Variants in CPEB3 observed in about 807,000 individuals in gnomAD.
The protein encoded by CPEB3 is cytoplasmic polyadenylation element-binding protein 3.
A neutral mutation model predicts 67.2 loss-of-function variants in CPEB3; 20 were observed. The observed-to-expected ratio is 0.30, with a 90% CI of 0.21 to 0.43. The LOEUF is 0.43. CPEB3 is among the 20% of genes least tolerant of loss of function. CPEB3 has a pLI of 1.00. For synonymous variants in CPEB3, 376 were observed against 393.1 expected (o/e 0.96, Z 0.51); for missense variants, 746 against 968.6 (o/e 0.77, Z 3.05).
intron 9 of CPEB3, among the ~76,000 whole-genome samples, chr10:92,080,912 C>T (rs1843126741): frequency 6.6e-6 from 1 of 152,062 alleles, no homozygotes; most frequent in Non-Finnish European, 1.5e-5. Context: ...TGGCAATTTT[C>T]AAACCAGAAG....
chr10:92,101,970 A>AG (rs1286365748), intron 7 of CPEB3, among the ~76,000 whole-genome samples: 1 of 152,186 alleles, frequency 6.6e-6, no homozygotes, highest in Admixed American at 6.5e-5. Context: ...CCATGGCATA[A>AG]GGAGTTGGTT....
intron 9 of CPEB3, among the ~76,000 whole-genome samples, chr10:92,061,013 GTA>G (rs1039691166): frequency 1.3e-5 from 2 of 152,170 alleles, no homozygotes; most frequent in Admixed American, 1.3e-4. Context: ...CCACTGCTGG[GTA>G]TATACCCAAA....
chr10:92,227,588 T>C (rs1011367346), intron 2 of CPEB3, among the ~76,000 whole-genome samples: 1 of 151,384 alleles, frequency 6.6e-6, no homozygotes, highest in Admixed American at 6.6e-5. Flanking sequence ...TTACTTATTT[T>C]ATTTTTTTCT....
intron 8 of CPEB3, among the ~76,000 whole-genome samples, chr10:92,089,568 T>C (rs1843527764): frequency 6.6e-6 from 1 of 151,958 alleles, no homozygotes; most frequent in Non-Finnish European, 1.5e-5. Context: ...GGGTGAATCA[T>C]GAGGTCAGGA....
intron 1 of CPEB3, among the ~76,000 whole-genome samples, chr10:92,287,312 T>C (rs1842577856): frequency 6.6e-6 from 1 of 152,170 alleles, no homozygotes; most frequent in African/African-American, 2.4e-5. Flanking sequence ...TACATATAAA[T>C]GCAGGAGTGC....
chr10:92,058,150 C>T (rs1348574133), intron 9 of CPEB3, among the ~76,000 whole-genome samples: 1 of 152,142 alleles, frequency 6.6e-6, no homozygotes, highest in Non-Finnish European at 1.5e-5. Context: ...ACCTTTCAGA[C>T]AGAGAATTCA....
At chr10:92,145,981 C>T (rs958718541) in intron 4 of CPEB3, among the ~76,000 whole-genome samples, 8 of 151,910 alleles carry the variant, frequency 5.3e-5, no homozygotes, top group Non-Finnish European at 1.0e-4. Flanking sequence ...AATAAACATA[C>T]GCAATAATAA....
At chr10:92,252,292 C>T (rs150927176) in intron 1 of CPEB3, among the ~76,000 whole-genome samples, 24 of 152,078 alleles carry the variant, frequency 1.6e-4, no homozygotes, top group Middle Eastern at 3.4e-3. Flanking sequence ...ATGGGAGCAA[C>T]CCCTCCTTTT....
chr10:92,217,748 G>A (rs1564878184), intron 2 of CPEB3, among the ~76,000 whole-genome samples: 2 of 151,922 alleles, frequency 1.3e-5, no homozygotes, highest in South Asian at 2.1e-4. Flanking sequence ...GGCAACAAGC[G>A]CAAAACTGCG....
chr10:92,287,014 G>T (rs7098170), intron 1 of CPEB3, among the ~76,000 whole-genome samples: 47,640 of 152,000 alleles, frequency 0.31, 7,768 homozygotes, highest in Admixed American at 0.43. Flanking sequence ...GAACTTGGGA[G>T]AATCTTTAAA....
At chr10:92,129,645 A>T (rs1451284871) in intron 6 of CPEB3, among the ~76,000 whole-genome samples, 5 of 152,132 alleles carry the variant, frequency 3.3e-5, no homozygotes, top group Non-Finnish European at 7.3e-5. Flanking sequence ...AAATACTGGG[A>T]TCATATAACT....
At position 92,181,146 on chromosome 10, in the gene CPEB3, C is replaced by T. The variant is rs1166071189; in HGVS notation, c.1166-127G>A. The T allele has an allele frequency of 1.6e-5, 8 of 516,036 alleles. No homozygotes were observed. In the Admixed American group the frequency reaches 3.1e-4, roughly 20 times the overall value. The allele number at this position is 516,036 out of a possible 1,614,324, so 32.0% of individuals were successfully genotyped here. A position where few individuals can be genotyped will look rare whatever the true frequency, so the allele number is the denominator to read the frequency against. On this transcript the variant is annotated intron_variant, in intron 3 of 9. Transcript: ENST00000265997. ...ATAACAATGCTATCAAAGGCCAAAG[C>T]AGTTACAACAGTTTTAAAAATTAAG...
chr10:92,169,237 CA>C (rs1847894706), intron 4 of CPEB3, among the ~76,000 whole-genome samples: 2 of 151,654 alleles, frequency 1.3e-5, no homozygotes, highest in Admixed American at 1.3e-4. Flanking sequence ...CTCCCAGGTT[CA>C]AGCGATTCTC....
chr10:92,129,909 T>G (rs918285214), intron 6 of CPEB3, among the ~76,000 whole-genome samples: 1 of 151,966 alleles, frequency 6.6e-6, no homozygotes, highest in African/African-American at 2.4e-5. Context: ...AAGCCAGGCA[T>G]GGTAGTGAGT....
At chr10:92,113,104 A>G (rs1160122750) in intron 6 of CPEB3, among the ~76,000 whole-genome samples, 1 of 152,214 alleles carries the variant, frequency 6.6e-6, no homozygotes, top group African/African-American at 2.4e-5. Flanking sequence ...ACACAGGAAA[A>G]GGCACCAAAT....
At chr10:92,289,732 A>AAAAAAAAAAAAAAATATATATAT in intron 1 of CPEB3, among the ~76,000 whole-genome samples, 2 of 75,772 alleles carry the variant, frequency 2.6e-5, no homozygotes, top group Non-Finnish European at 5.1e-5. Context: ...AAAAAAAAAA[A>AAAAAAAAAAAAAAATATATATAT]ATATATATAT....
intron 1 of CPEB3, among the ~76,000 whole-genome samples, chr10:92,258,627 TATATATATATATATA>T (rs1852633600): frequency 2.0e-4 from 1 of 5,070 alleles, no homozygotes; most frequent in African/African-American, 5.4e-4. Flanking sequence ...ATTTTTTGAA[TATATATATATATATA>T]TATATATATA....
chr10:92,142,824 C>A (rs536641351), intron 6 of CPEB3, among the ~76,000 whole-genome samples: 5 of 150,738 alleles, frequency 3.3e-5, no homozygotes, highest in Admixed American at 6.7e-5. Flanking sequence ...TCAATAAAAT[C>A]GGTGCCATGA....
chr10:92,187,986 A>G (rs990517734), intron 3 of CPEB3, among the ~76,000 whole-genome samples: 1 of 152,088 alleles, frequency 6.6e-6, no homozygotes, highest in Non-Finnish European at 1.5e-5. Flanking sequence ...GCTTGAGCTC[A>G]GGAGTTCAAG....
Sources: allele counts gnomAD v4.1 joint callset (sites outside exome capture counted in the v4.1 genomes callset), GRCh38; gene constraint gnomAD v4.1.1; transcripts MANE v1.5; gene names NCBI Gene and HGNC (gene_info 2026-07-23, HGNC 2026-07-21).